The following RNLS variants were observed in gnomAD, a reference collection of about 807,000 sequenced individuals.
RNLS encodes renalase.
RNLS carries 39 observed loss-of-function variants against 39.8 expected under a neutral mutation model. The observed-to-expected ratio is 0.98, with a 90% CI of 0.76 to 1.28. RNLS has a LOEUF of 1.28. RNLS is among the 50% of genes most tolerant of loss of function. RNLS has a pLI of 0.00. For synonymous variants in RNLS, 147 were observed against 150.7 expected, an observed-to-expected ratio of 0.98 and a Z score of 0.18; for missense variants, 410 against 413.3, an observed-to-expected ratio of 0.99 and a Z score of 0.07.
intron 4 of RNLS, among the ~76,000 whole-genome samples, chr10:88,541,273 G>A (rs1024424122): frequency 2.0e-5 from 3 of 152,110 alleles, no homozygotes; most frequent in Admixed American, 6.6e-5. Context: ...GATAACGATC[G>A]AAAGGAACGA....
At chr10:88,197,365 A>G in the RNLS span, among the ~76,000 whole-genome samples, 2 of 152,072 alleles carry the variant, frequency 1.3e-5, no homozygotes, top group Non-Finnish European at 2.9e-5. Context: ...TTCCTGCCCA[A>G]TATGGCACCT....
intron 4 of RNLS, among the ~76,000 whole-genome samples, chr10:88,435,469 CA>C (rs1038222577): frequency 6.7e-6 from 1 of 148,450 alleles, no homozygotes; most frequent in Admixed American, 6.7e-5. Context: ...AAAAAAAGAC[CA>C]AAAAAATTAA....
At chr10:88,566,015 G>A (rs1202522157) in intron 4 of RNLS, among the ~76,000 whole-genome samples, 1 of 151,482 alleles carries the variant, frequency 6.6e-6, no homozygotes, top group East Asian at 1.9e-4. Context: ...CCAAAGTGTT[G>A]GGATTACAGG....
the RNLS span, among the ~76,000 whole-genome samples, chr10:88,263,924 AG>A: frequency 6.6e-6 from 1 of 152,128 alleles, no homozygotes; most frequent in Non-Finnish European, 1.5e-5. Context: ...CTCATACCCA[AG>A]CAGTATACAC....
intron 4 of RNLS, among the ~76,000 whole-genome samples, chr10:88,365,409 G>C (rs1289243866): frequency 6.6e-6 from 1 of 151,036 alleles, no homozygotes; most frequent in Non-Finnish European, 1.5e-5. Context: ...TTTTCAAATA[G>C]AACAAACGAC....
At chr10:88,519,210 T>C (rs1472035958) in intron 4 of RNLS, among the ~76,000 whole-genome samples, 1 of 151,968 alleles carries the variant, frequency 6.6e-6, no homozygotes, top group East Asian at 1.9e-4. Context: ...CTATCAAATA[T>C]TCTATCCTTA....
At chr10:88,212,409 CCTT>C in the RNLS span, among the ~76,000 whole-genome samples, 1 of 152,146 alleles carries the variant, frequency 6.6e-6, no homozygotes, top group Admixed American at 6.6e-5. Context: ...ATCTTGCTCT[CCTT>C]CTAAAAGTTC....
intron 4 of RNLS, among the ~76,000 whole-genome samples, chr10:88,545,783 T>C (rs1848276373): frequency 1.3e-5 from 2 of 152,218 alleles, no homozygotes; most frequent in African/African-American, 2.4e-5. Flanking sequence ...TAATTTTTCA[T>C]TGGTTTCTGC....
chr10:88,239,745 G>A, the RNLS span, among the ~76,000 whole-genome samples: 6 of 152,168 alleles, frequency 3.9e-5, no homozygotes, highest in African/African-American at 1.4e-4. Flanking sequence ...TGGTAATTTG[G>A]TTTGGTTTAT....
the RNLS span, among the ~76,000 whole-genome samples, chr10:88,262,032 G>T: frequency 6.6e-6 from 1 of 152,128 alleles, no homozygotes; most frequent in African/African-American, 2.4e-5. Context: ...AGGCAAACCG[G>T]CTGGAGAAAA....
intron 4 of RNLS, among the ~76,000 whole-genome samples, chr10:88,564,977 T>C (rs1030894196): frequency 6.6e-6 from 1 of 152,102 alleles, no homozygotes; most frequent in African/African-American, 2.4e-5. Flanking sequence ...TCCTAAAGGC[T>C]ACATATGATT....
Position 88,284,267 on chromosome 10 carries a change from C to T in RNLS, c.*1087G>A, listed in dbSNP as rs1843128257. The T allele has an allele frequency of 1.0e-6, 1 of 985,210 alleles. No individual in the cohort carries two copies. Among genetic ancestry groups the T allele is most frequent in the Non-Finnish European group, 1.2e-6 (1 of 829,906 alleles). The allele number at this position is 985,210 out of a possible 1,614,324, so 61.0% of individuals were successfully genotyped here. ...AAGTGTGAAACTTTAAACACTATTA[C>T]AGTAAGAAGTCTTTTGTTGAACTTT... On this transcript the variant is annotated 3_prime_UTR_variant, in exon 7 of 7. Coordinates refer to ENST00000331772, the MANE Select transcript of RNLS (RefSeq NM_001031709.3).
chr10:88,209,078 G>GAA, the RNLS span, among the ~76,000 whole-genome samples: 28 of 152,214 alleles, frequency 1.8e-4, no homozygotes, highest in East Asian at 5.4e-3. Context: ...ACCACTATCT[G>GAA]AAACATATCC....
intron 5 of RNLS, among the ~76,000 whole-genome samples, chr10:88,327,738 T>TTGTA (rs1230348643): frequency 1.6e-4 from 24 of 152,078 alleles, no homozygotes; most frequent in African/African-American, 3.6e-4. Flanking sequence ...AATTGACATT[T>TTGTA]TGTATGTATG....
chr10:88,237,355 C>T, the RNLS span, among the ~76,000 whole-genome samples: 1 of 149,166 alleles, frequency 6.7e-6, no homozygotes, highest in Non-Finnish European at 1.5e-5. Flanking sequence ...TAAGTTAGAT[C>T]TTGTCTGAAA....
the RNLS span, among the ~76,000 whole-genome samples, chr10:88,256,422 G>A: frequency 6.6e-6 from 1 of 152,338 alleles, no homozygotes; most frequent in Admixed American, 6.5e-5. Flanking sequence ...ACAACTCCCT[G>A]AGGAGGACAC....
intron 4 of RNLS, among the ~76,000 whole-genome samples, chr10:88,397,977 T>C (rs1212873882): frequency 6.6e-6 from 1 of 151,938 alleles, no homozygotes; most frequent in Non-Finnish European, 1.5e-5. Flanking sequence ...GACCACTCAG[T>C]GGGGGAAATA....
At chr10:88,533,025 T>C (rs920645329) in intron 4 of RNLS, among the ~76,000 whole-genome samples, 2 of 152,120 alleles carry the variant, frequency 1.3e-5, no homozygotes, top group African/African-American at 2.4e-5. Flanking sequence ...TATTCTGTCA[T>C]ACAATTGTTA....
chr10:88,502,905 GT>G (rs993418441), intron 4 of RNLS, among the ~76,000 whole-genome samples: 3 of 151,538 alleles, frequency 2.0e-5, no homozygotes, highest in African/African-American at 2.4e-5. Context: ...GGAGAGAGAA[GT>G]TTTTTTTTCT....
Sources: allele counts gnomAD v4.1 joint callset (sites outside exome capture counted in the v4.1 genomes callset), GRCh38; gene constraint gnomAD v4.1.1; transcripts MANE v1.5; gene names NCBI Gene and HGNC (gene_info 2026-07-23, HGNC 2026-07-21).